Variants in LRIG1 observed in about 807,000 individuals in gnomAD.
LRIG1 encodes leucine-rich repeats and immunoglobulin-like domains protein 1.
In LRIG1, 48 loss-of-function variants were observed where a neutral mutation model predicts 99.2. That is an observed-to-expected ratio of 0.48 (90% CI 0.38 to 0.62). The LOEUF (loss-of-function observed/expected upper bound fraction) is 0.62, where lower values mean the gene tolerates loss of function less well. Among genes scored for constraint, LRIG1 ranks in the 20% least tolerant of loss-of-function variants. The pLI, the probability that LRIG1 is intolerant of heterozygous loss-of-function variation, is 0.00. For synonymous variants in LRIG1, 772 were observed against 596.1 expected (o/e 1.29, Z -4.30); for missense variants, 1,646 against 1,434.4 (o/e 1.15, Z -2.38).
chr3:66,414,889 C>A, intron 5 of LRIG1, 31 bp downstream of exon 5: 2 of 1,532,646 alleles, frequency 1.3e-6, no homozygotes, highest in Non-Finnish European at 1.8e-6. Flanking sequence ...GTTTGGCTAG[C>A]CTTAATTAAA....
At chr3:66,429,005 A>T (rs1703070131) in intron 3 of LRIG1, among the ~76,000 whole-genome samples, 1 of 152,220 alleles carries the variant, frequency 6.6e-6, no homozygotes, top group South Asian at 2.1e-4. Context: ...AGAGCAGCCC[A>T]GTGGCGGGAT....
At chr3:66,410,393 G>A (rs900395070) in intron 6 of LRIG1, 121 bp from the exon 7 acceptor site, 40 of 933,094 alleles carry the variant, frequency 4.3e-5, no homozygotes, top group Non-Finnish European at 6.2e-5. Flanking sequence ...AACAGTGCAC[G>A]ACAGAACTGT....
chr3:66,398,586 C>A (rs542050189), intron 10 of LRIG1, among the ~76,000 whole-genome samples: 1 of 152,348 alleles, frequency 6.6e-6, no homozygotes, highest in Admixed American at 6.5e-5. Context: ...CAGCCCAGCA[C>A]CTACTCTGCA....
chr3:66,403,599 G>C (rs1034403992), intron 9 of LRIG1, among the ~76,000 whole-genome samples: 2 of 152,198 alleles, frequency 1.3e-5, no homozygotes, highest in South Asian at 2.1e-4. Flanking sequence ...GGGGGACAAA[G>C]GAGAAAGCAC....
At chr3:66,423,891 C>A (rs943102426) in intron 3 of LRIG1, among the ~76,000 whole-genome samples, 3 of 152,184 alleles carry the variant, frequency 2.0e-5, no homozygotes, top group African/African-American at 7.2e-5. Context: ...AAAATGAGTT[C>A]TTGTTTTTAG....
chr3:66,467,275 A>G (rs1222445118), intron 1 of LRIG1, among the ~76,000 whole-genome samples: 1 of 152,158 alleles, frequency 6.6e-6, no homozygotes, highest in Non-Finnish European at 1.5e-5. Context: ...CCAATTTAGT[A>G]GCCACTGGCT....
intron 1 of LRIG1, among the ~76,000 whole-genome samples, chr3:66,477,128 C>CACGCTG (rs1333397141): frequency 5.9e-5 from 9 of 152,198 alleles, no homozygotes; most frequent in Admixed American, 2.6e-4. Flanking sequence ...TTTCCTCACA[C>CACGCTG]ACGCTGAAGT....
At chr3:66,402,060 C>T (rs1702079264) in intron 9 of LRIG1, among the ~76,000 whole-genome samples, 1 of 152,142 alleles carries the variant, frequency 6.6e-6, no homozygotes, top group Admixed American at 6.5e-5. Flanking sequence ...GCGCTCACAT[C>T]AGCTCTGCAA....
rs748567340 is a variant in LRIG1 at position 66,383,212 on chromosome 3, A to G, written c.2261T>C (p.Val754Ala). The change falls in exon 15 of 19, where the codon GTG becomes GCG. Residue 754 changes from valine (V) to alanine (A), a missense_variant. Val to Ala is a moderately conservative substitution (Grantham distance 64, BLOSUM62 0). Coordinates refer to ENST00000273261, the MANE Select transcript of LRIG1 (RefSeq NM_015541.3). ...DNQLLVVQNV[V>A]AEDAGRYTCE... ...GGTATATCGGCCCGCATCCTCTGCCACCACGTTCTGAACCACCAGGAGCTG... is the reference window on the plus strand; with the variant it reads ...GGTATATCGGCCCGCATCCTCTGCCGCCACGTTCTGAACCACCAGGAGCTG... The G allele has an allele frequency of 6.2e-6, 10 of 1,614,100 alleles. No homozygotes were observed. The highest frequency in any genetic ancestry group is 7.6e-6 in the Non-Finnish European group (9 of 1,180,050).
At chr3:66,405,115 G>T in intron 9 of LRIG1, 83 bp downstream of exon 9, 2 of 1,229,434 alleles carry the variant, frequency 1.6e-6, no homozygotes, top group African/African-American at 1.5e-5. Flanking sequence ...GAGCAGAGAG[G>T]CGCGGGGGGC....
rs762587740 is a variant in LRIG1, at chr3:66,383,178, C to T, written c.2295G>A (p.Met765Ile). ...CTCGCTCCGTGCCCAGGGTGTTGGA[C>T]ATCTCACAGGTATATCGGCCCGCAT... ...AEDAGRYTCEMSNTLGTERAH... is the reference protein window; with the variant it reads ...AEDAGRYTCEISNTLGTERAH... The change falls in exon 15 of 19, where the codon ATG becomes ATA. Residue 765 changes from methionine (M) to isoleucine (I), a missense_variant. By Grantham distance (10) the Met-to-Ile change is conservative. Coordinates refer to ENST00000273261, the MANE Select transcript of LRIG1 (RefSeq NM_015541.3). 15 of 1,614,248 alleles carry T rather than the reference C, an allele frequency of 9.3e-6. No individual in the cohort carries two copies. The highest frequency in any genetic ancestry group is 6.7e-5 in the East Asian group (3 of 44,874).
intron 1 of LRIG1, among the ~76,000 whole-genome samples, chr3:66,463,779 T>C (rs1700409930): frequency 6.6e-6 from 1 of 152,216 alleles, no homozygotes; most frequent in Admixed American, 6.5e-5. Flanking sequence ...GTGGCAACAA[T>C]CTTTTAAACT....
chr3:66,499,000 C>T (rs1201489194), intron 1 of LRIG1, among the ~76,000 whole-genome samples: 4 of 152,190 alleles, frequency 2.6e-5, no homozygotes, highest in Non-Finnish European at 5.9e-5. Context: ...CATAGTCATG[C>T]CTAAGGTTAC....
intron 1 of LRIG1, among the ~76,000 whole-genome samples, chr3:66,464,050 G>A (rs536257809): frequency 6.6e-6 from 1 of 152,336 alleles, no homozygotes; most frequent in Admixed American, 6.5e-5. Context: ...TGGGTACCCA[G>A]AAATCCCAAC....
intron 1 of LRIG1, among the ~76,000 whole-genome samples, chr3:66,488,728 G>T (rs1366544137): frequency 6.6e-6 from 1 of 152,176 alleles, no homozygotes; most frequent in Non-Finnish European, 1.5e-5. Flanking sequence ...CTGGTAAAAG[G>T]GATGGCAAGC....
At chr3:66,385,037 C>G (rs952691009) in intron 13 of LRIG1, among the ~76,000 whole-genome samples, 1 of 152,152 alleles carries the variant, frequency 6.6e-6, no homozygotes, top group Admixed American at 6.5e-5. Flanking sequence ...AGCAGATCCA[C>G]CATTCTGATG....
chr3:66,451,710 C>G lies in LRIG1; in HGVS notation c.291-77G>C. The G allele has an allele frequency of 8.5e-6, 9 of 1,057,820 alleles. No homozygotes were observed. In the South Asian group the frequency reaches 9.3e-5, roughly 11 times the overall value. 65.5% of individuals were successfully genotyped at this position (1,057,820 alleles called of 1,614,324 possible). On this transcript the variant is annotated intron_variant, in intron 2 of 18. Coordinates refer to ENST00000273261, the MANE Select transcript of LRIG1 (RefSeq NM_015541.3). Reference sequence around the variant, plus strand: ...ATCATACACATACAACAGAAATAAACAAACGCTGCTAAGTCTGCCACAGTA... The same window carrying G: ...ATCATACACATACAACAGAAATAAAGAAACGCTGCTAAGTCTGCCACAGTA...
At chr3:66,426,857 C>T (rs528886863) in intron 3 of LRIG1, among the ~76,000 whole-genome samples, 156 of 152,288 alleles carry the variant, frequency 1.0e-3, no homozygotes, top group Non-Finnish European at 1.7e-3. Flanking sequence ...TGTGCCCTTC[C>T]GCCCTTCCAG....
At chr3:66,385,035 C>T (rs1354896522) in intron 13 of LRIG1, among the ~76,000 whole-genome samples, 1 of 152,136 alleles carries the variant, frequency 6.6e-6, no homozygotes, top group Non-Finnish European at 1.5e-5. Context: ...AAAGCAGATC[C>T]ACCATTCTGA....
Sources: gnomAD v4.1 joint callset for allele counts (sites outside exome capture counted in the v4.1 genomes callset) on GRCh38, gnomAD v4.1.1 for gene constraint, MANE v1.5 for transcripts, NCBI Gene and HGNC (gene_info 2026-07-23, HGNC 2026-07-21) for gene names.